Variants in POC1B observed in about 807,000 individuals in gnomAD.
The protein encoded by POC1B is POC1 centriolar protein B.
Under a neutral mutation model 60.6 loss-of-function variants are expected in POC1B, and 44 were observed. The ratio of observed to expected loss-of-function variants is 0.73; its 90% CI spans 0.57 to 0.93. The LOEUF (loss-of-function observed/expected upper bound fraction) is 0.93. Ranked by LOEUF, POC1B falls within the 40% of genes least tolerant of loss-of-function variation. POC1B has a pLI of 0.00. For synonymous variants in POC1B, 180 were observed against 198.9 expected (o/e 0.90, Z 0.80); for missense variants, 555 against 572.3 (o/e 0.97, Z 0.31).
chr12:89,447,235 TAAA>T (rs1246401271), intron 10 of POC1B, among the ~76,000 whole-genome samples: 1 of 152,100 alleles, frequency 6.6e-6, no homozygotes, highest in Non-Finnish European at 1.5e-5. Context: ...AATGGTAACT[TAAA>T]AAAATAATAT....
intron 2 of POC1B, chr12:89,521,029 G>A (rs569436063): frequency 1.5e-4 from 23 of 151,888 alleles, no homozygotes; most frequent in East Asian, 5.8e-4. Context: ...AAAACGAAAC[G>A]ACTATGAACA....
intron 9 of POC1B, among the ~76,000 whole-genome samples, chr12:89,463,686 A>G (rs1044812881): frequency 6.6e-5 from 10 of 152,230 alleles, no homozygotes; most frequent in African/African-American, 2.2e-4. Context: ...CTGTAGTTAG[A>G]TAAGTAGGAA....
intron 11 of POC1B, 108 bp downstream of exon 11, chr12:89,425,053 G>C: frequency 8.9e-7 from 1 of 1,127,540 alleles, no homozygotes; most frequent in Non-Finnish European, 1.3e-6. Context: ...TGCTTTGCTA[G>C]TATAGAGAAA....
At chr12:89,427,203 A>G (rs941241030) in intron 10 of POC1B, 2 of 152,254 alleles carry the variant, frequency 1.3e-5, no homozygotes, top group Non-Finnish European at 2.9e-5. Context: ...AGACATATAA[A>G]TCAAAGAAAC....
chr12:89,502,454 A>T, intron 2 of POC1B: 5 of 1,217,190 alleles, frequency 4.1e-6, no homozygotes, highest in Non-Finnish European at 6.0e-6. Context: ...TCTAAAAGGA[A>T]GGCAAGAGAA....
chr12:89,497,078 G>C, intron 3 of POC1B, 93 bp downstream of exon 3: 2 of 1,291,420 alleles, frequency 1.5e-6, no homozygotes, highest in Non-Finnish European at 2.2e-6. Context: ...GAGAATAACA[G>C]TGCAGGCAGC....
At chr12:89,441,959 C>T (rs562301613) in intron 10 of POC1B, among the ~76,000 whole-genome samples, 16 of 152,254 alleles carry the variant, frequency 1.1e-4, no homozygotes, top group East Asian at 5.8e-4. Context: ...AACCATGTGA[C>T]GCACGCACAA....
At chr12:89,487,466 GTCTTATGGCA>G (rs1868701113) in intron 4 of POC1B, among the ~76,000 whole-genome samples, 1 of 152,196 alleles carries the variant, frequency 6.6e-6, no homozygotes, top group African/African-American at 2.4e-5. Flanking sequence ...AAGAGAGGTA[GTCTTATGGCA>G]TCACTCAGTC....
intron 4 of POC1B, among the ~76,000 whole-genome samples, chr12:89,487,979 TG>T (rs2135734224): frequency 6.6e-6 from 1 of 152,310 alleles, no homozygotes; most frequent in East Asian, 1.9e-4. Flanking sequence ...GTCGGCTCCC[TG>T]AGGCCAAGAC....
intron 4 of POC1B, among the ~76,000 whole-genome samples, chr12:89,484,152 G>A (rs1868511964): frequency 1.3e-5 from 2 of 152,068 alleles, no homozygotes; most frequent in African/African-American, 4.8e-5. Flanking sequence ...GTAAAGCTAA[G>A]AATAAAATAG....
intron 9 of POC1B, among the ~76,000 whole-genome samples, chr12:89,464,802 G>GAA (rs75294490): frequency 2.1e-4 from 26 of 124,196 alleles, no homozygotes; most frequent in Non-Finnish European, 3.7e-4. Flanking sequence ...ATTTTTTCAG[G>GAA]AAAAAAAAAA....
chr12:89,522,113 T>G (rs1310440025), intron 2 of POC1B: 1 of 398,894 alleles, frequency 2.5e-6, no homozygotes, highest in East Asian at 3.6e-5. Context: ...TCTGAGGTAT[T>G]AATATATACA....
rs115525456 is a variant in POC1B at position 89,486,576 on chromosome 12, T to C, written c.452+5360A>G. Among the ~76,000 whole-genome samples, 783 of 152,104 alleles carry C rather than the reference T, an allele frequency of 5.1e-3. 10 individuals carry two copies. The highest frequency in any genetic ancestry group is 0.018 in the African/African-American group (734 of 41,486). On this transcript the variant is annotated intron_variant, in intron 4 of 11. Coordinates refer to ENST00000313546, the MANE Select transcript of POC1B (RefSeq NM_172240.3). ...CACACACGCCAGGACAAGGAGTCAC[T>C]GAGGGGTTTTAAGGCAAGAAACAGC...
rs757382859 is a variant in POC1B at position 89,526,003 on chromosome 12, A to C, written c.-108T>G. The C allele has an allele frequency of 9.1e-6, 14 of 1,541,800 alleles. No individual in the cohort carries two copies. In the South Asian group the frequency reaches 1.5e-4, roughly 17 times the overall value. On this transcript the variant is annotated 5_prime_UTR_variant, in exon 1 of 12. Transcript: ENST00000313546. ...GTGCGGCTCCCGGAACCGTCTGCCCAGAGCGGCAGCGCCTCCCGGTCACTA... is the reference window on the plus strand; with the variant it reads ...GTGCGGCTCCCGGAACCGTCTGCCCCGAGCGGCAGCGCCTCCCGGTCACTA...
At chr12:89,470,082 A>T (rs61065673) in intron 7 of POC1B, among the ~76,000 whole-genome samples, 1,805 of 152,072 alleles carry the variant, frequency 0.012, 36 homozygotes, top group African/African-American at 0.041. Flanking sequence ...ATGTTGGCCA[A>T]GATGGTCTCG....
At chr12:89,505,670 A>C (rs1869858964) in intron 2 of POC1B, among the ~76,000 whole-genome samples, 1 of 152,216 alleles carries the variant, frequency 6.6e-6, no homozygotes, top group Non-Finnish European at 1.5e-5. Flanking sequence ...GTCACATTCT[A>C]AATATTCATC....
intron 8 of POC1B, 80 bp downstream of exon 8, chr12:89,467,537 G>A: frequency 8.7e-7 from 1 of 1,155,770 alleles, no homozygotes. Context: ...ACACAAACTA[G>A]CTGGTTGTAA....
At chr12:89,480,937 T>C (rs898343039) in intron 4 of POC1B, among the ~76,000 whole-genome samples, 1 of 152,042 alleles carries the variant, frequency 6.6e-6, no homozygotes, top group African/African-American at 2.4e-5. Flanking sequence ...GGTTTTGCCA[T>C]GTTGGCCAGG....
intron 10 of POC1B, among the ~76,000 whole-genome samples, chr12:89,444,948 C>T (rs1217939374): frequency 6.6e-6 from 1 of 152,150 alleles, no homozygotes; most frequent in African/African-American, 2.4e-5. Context: ...CACAAGCATT[C>T]CTATATACCA....
Sources: gnomAD v4.1 joint callset for allele counts (sites outside exome capture counted in the v4.1 genomes callset) on GRCh38, gnomAD v4.1.1 for gene constraint, MANE v1.5 for transcripts, NCBI Gene and HGNC (gene_info 2026-07-23, HGNC 2026-07-21) for gene names.